ADAMTSL1: variants seen among roughly 807,000 people sequenced by gnomAD.
ADAMTSL1 encodes the protein ADAMTS-like protein 1.
In ADAMTSL1, 126 loss-of-function variants were observed where a neutral mutation model predicts 201.8. That is an observed-to-expected ratio of 0.62 (90% CI 0.54 to 0.72). ADAMTSL1 has a LOEUF of 0.72. Among genes scored for constraint, ADAMTSL1 ranks in the 30% least tolerant of loss-of-function variants. The pLI is 0.00. For missense variants in ADAMTSL1, 2,679 were observed against 2,277.8 expected (o/e 1.18, Z -3.59); for synonymous variants, 1,121 against 903.4 (o/e 1.24, Z -4.32).
intron 2 of ADAMTSL1, among the ~76,000 whole-genome samples, chr9:18,293,809 AGTTT>A (rs1833367391): frequency 1.3e-5 from 2 of 152,210 alleles, no homozygotes; most frequent in Admixed American, 1.3e-4. Context: ...AGACTGCATG[AGTTT>A]CTTATATAGA....
chr9:17,973,797 G>A (rs1818322021), intron 1 of ADAMTSL1, among the ~76,000 whole-genome samples: 1 of 149,042 alleles, frequency 6.7e-6, no homozygotes, highest in Non-Finnish European at 1.5e-5. Flanking sequence ...CTACCAATGA[G>A]CATGGAATGT....
At chr9:18,699,808 C>A (rs1318305065) in intron 13 of ADAMTSL1, among the ~76,000 whole-genome samples, 2 of 152,098 alleles carry the variant, frequency 1.3e-5, no homozygotes, top group East Asian at 1.9e-4. Context: ...TCCTGGGGCA[C>A]CTTACAGTGC....
chr9:18,844,651 C>G (rs1185655062), intron 23 of ADAMTSL1, among the ~76,000 whole-genome samples: 1 of 152,242 alleles, frequency 6.6e-6, no homozygotes, highest in Non-Finnish European at 1.5e-5. Context: ...GTGGAGCCTA[C>G]AGAGGCAGGC....
intron 1 of ADAMTSL1, among the ~76,000 whole-genome samples, chr9:17,909,372 T>C (rs1308583173): frequency 1.4e-5 from 2 of 146,944 alleles, no homozygotes; most frequent in Non-Finnish European, 3.0e-5. Context: ...TTGCTTTTGG[T>C]GTTTTATACA....
At chr9:18,872,380 G>A (rs959669410) in intron 23 of ADAMTSL1, among the ~76,000 whole-genome samples, 6 of 152,030 alleles carry the variant, frequency 3.9e-5, no homozygotes, top group Non-Finnish European at 7.4e-5. Context: ...GTATTGTTTG[G>A]CTATATGGAT....
intron 1 of ADAMTSL1, among the ~76,000 whole-genome samples, chr9:18,085,548 A>G (rs1315566300): frequency 2.0e-5 from 3 of 150,322 alleles, no homozygotes; most frequent in African/African-American, 4.9e-5. Flanking sequence ...TACTGTGTAT[A>G]CATACACACT....
Position 18,091,496 on chromosome 9 carries a change from C to T in ADAMTSL1, c.88-72366C>T, listed in dbSNP as rs777113401. Among the ~76,000 whole-genome samples, 4 of 152,136 alleles carry T rather than the reference C, an allele frequency of 2.6e-5. No individual in the cohort carries two copies. The South Asian group carries it at 6.2e-4, about 24-fold the overall frequency. ...AATTTCCCTCATCTTGGGGTTTTCT[C>T]TCTGTAAATCAGGACCTTCCTTGTA... On this transcript the variant is annotated intron_variant, in intron 1 of 29. Transcript: ENST00000680146.
chr9:18,413,783 C>A (rs1438998985), intron 2 of ADAMTSL1, among the ~76,000 whole-genome samples: 1 of 152,122 alleles, frequency 6.6e-6, no homozygotes, highest in Non-Finnish European at 1.5e-5. Flanking sequence ...CACAGCTTCC[C>A]GTCCCATTTT....
chr9:18,392,027 T>A (rs963440164), intron 2 of ADAMTSL1, among the ~76,000 whole-genome samples: 1 of 151,838 alleles, frequency 6.6e-6, no homozygotes, highest in African/African-American at 2.4e-5. Flanking sequence ...GGTTTCACCA[T>A]GTTAGCCAGG....
At chr9:18,189,815 A>G (rs1828896920) in intron 2 of ADAMTSL1, among the ~76,000 whole-genome samples, 1 of 152,156 alleles carries the variant, frequency 6.6e-6, no homozygotes, top group Admixed American at 6.5e-5. Context: ...TATGCTGGCC[A>G]GTTCTGTGGA....
At chr9:18,020,012 G>T (rs1446986077) in intron 1 of ADAMTSL1, among the ~76,000 whole-genome samples, 1 of 152,030 alleles carries the variant, frequency 6.6e-6, no homozygotes, top group African/African-American at 2.4e-5. Context: ...GTGTACATTG[G>T]TTATCCTGTG....
chr9:18,862,243 G>C (rs1827258262), intron 23 of ADAMTSL1, among the ~76,000 whole-genome samples: 1 of 152,148 alleles, frequency 6.6e-6, no homozygotes. Flanking sequence ...TTTTGTGTTG[G>C]GGTAAAGGGC....
intron 2 of ADAMTSL1, among the ~76,000 whole-genome samples, chr9:18,459,232 A>C (rs1418896334): frequency 1.3e-5 from 2 of 152,208 alleles, no homozygotes; most frequent in Non-Finnish European, 2.9e-5. Flanking sequence ...CTTATGTTAT[A>C]GTGAAATATA....
At chr9:18,296,090 A>G (rs1833467532) in intron 2 of ADAMTSL1, among the ~76,000 whole-genome samples, 2 of 152,224 alleles carry the variant, frequency 1.3e-5, no homozygotes, top group Admixed American at 1.3e-4. Flanking sequence ...CTTTTAGTTG[A>G]CAGAAAATTC....
intron 2 of ADAMTSL1, among the ~76,000 whole-genome samples, chr9:18,180,983 A>T (rs1347654814): frequency 6.6e-6 from 1 of 152,188 alleles, no homozygotes; most frequent in African/African-American, 2.4e-5. Flanking sequence ...ATAACACCGC[A>T]TATCTACAAC....
At chr9:18,425,130 T>TTC (rs144991740) in intron 2 of ADAMTSL1, among the ~76,000 whole-genome samples, 2 of 150,698 alleles carry the variant, frequency 1.3e-5, no homozygotes, top group South Asian at 2.1e-4. Flanking sequence ...ACAGTGTGCA[T>TTC]TCTCTCTCTC....
In ADAMTSL1 at chr9:18,906,715, G is replaced by C; in HGVS notation, c.4985G>C (p.Trp1662Ser). The C allele has an allele frequency of 1.2e-6, 2 of 1,607,202 alleles. No individual in the cohort carries two copies. Among genetic ancestry groups the C allele is most frequent in the South Asian group, 1.1e-5 (1 of 90,130 alleles). The change falls in exon 28 of 29, where the codon TGG becomes TCG. Residue 1662 changes from tryptophan (W) to serine (S), a missense_variant. Trp to Ser is a radical substitution (Grantham distance 177). Coordinates refer to ENST00000380548, the MANE Select transcript of ADAMTSL1 (RefSeq NM_001040272.6). Reference protein sequence around the residue: ...LPRPVSTQNCWSEACSVHWRV... With the variant: ...LPRPVSTQNCSSEACSVHWRV... ...AGGCCTGTGAGCACCCAGAACTGCT[G>C]GTCAGAGGCCTGCAGTGTACACTGG... is the stretch of plus-strand genomic sequence containing the variant.
At chr9:18,472,845 G>T (rs566105671), upstream of ADAMTSL1, among the ~76,000 whole-genome samples, 3 of 152,284 alleles carry the variant, frequency 2.0e-5, no homozygotes, top group East Asian at 5.8e-4. Flanking sequence ...GCAATGTAAG[G>T]CCAGGGCTGC....
upstream of ADAMTSL1, among the ~76,000 whole-genome samples, chr9:18,471,327 G>A (rs147506457): frequency 9.9e-5 from 15 of 152,078 alleles, no homozygotes; most frequent in African/African-American, 3.6e-4. Flanking sequence ...ATTTAGATTC[G>A]GTAAACCGTG....
Sources: allele counts gnomAD v4.1 joint callset (sites outside exome capture counted in the v4.1 genomes callset), GRCh38; gene constraint gnomAD v4.1.1; transcripts MANE v1.5; gene names NCBI Gene and HGNC (gene_info 2026-07-23, HGNC 2026-07-21).